Variants in ERC2 observed in about 807,000 individuals in gnomAD.
ERC2 encodes the protein ELKS/RAB6-interacting/CAST family member 2.
In ERC2, 42 loss-of-function variants were observed where a neutral mutation model predicts 114.8. The observed-to-expected ratio is 0.37, with a 90% confidence interval of 0.29 to 0.47. ERC2 has a LOEUF of 0.47. Among genes scored for constraint, ERC2 ranks in the 20% least tolerant of loss-of-function variants. The pLI is 0.99. For missense variants in ERC2, 939 were observed against 1,150.7 expected (o/e 0.82, Z 2.66); for synonymous variants, 454 against 425.5 (o/e 1.07, Z -0.82).
chr3:56,051,722 A>G (rs1211492985), intron 7 of ERC2, among the ~76,000 whole-genome samples: 1 of 151,916 alleles, frequency 6.6e-6, no homozygotes, highest in East Asian at 1.9e-4. Flanking sequence ...GCTACTCAAG[A>G]GACTGAGGCA....
At chr3:56,306,868 A>G (rs914930985) in intron 2 of ERC2, among the ~76,000 whole-genome samples, 1 of 152,214 alleles carries the variant, frequency 6.6e-6, no homozygotes, top group African/African-American at 2.4e-5. Flanking sequence ...CAGATTCCTC[A>G]TCTGTAAAAC....
chr3:55,762,043 TA>T (rs1296929442), intron 14 of ERC2, among the ~76,000 whole-genome samples: 1 of 149,704 alleles, frequency 6.7e-6, no homozygotes, highest in East Asian at 2.0e-4. Flanking sequence ...GCCATAATTT[TA>T]AGTTTCCTGA....
chr3:55,721,092 C>T (rs1474606064), intron 15 of ERC2, among the ~76,000 whole-genome samples: 16 of 152,184 alleles, frequency 1.1e-4, no homozygotes, highest in Admixed American at 8.5e-4. Context: ...CTAGAATCCC[C>T]CAATATTTCC....
chr3:56,398,381 AG>A (rs547750239), intron 2 of ERC2, among the ~76,000 whole-genome samples: 6 of 152,224 alleles, frequency 3.9e-5, no homozygotes. Context: ...CCAGAAAAGT[AG>A]GGTTGCCAGA....
Position 56,434,979 on chromosome 3 carries a change from T to C in ERC2, c.29A>G (p.Asn10Ser), listed in dbSNP as rs201465789. 4,053 of 1,611,750 alleles carry C rather than the reference T, an allele frequency of 2.5e-3. 12 individuals carry two copies. Among genetic ancestry groups the C allele is most frequent in the Non-Finnish European group, 3.2e-3 (3,745 of 1,179,670 alleles). Reference protein sequence around the residue: MYGSARTITNLEGSPSRSPR... With the variant: MYGSARTITSLEGSPSRSPR... ...GGATCTGGAAGGGCTACCTTCCAGATTGGTGATTGTTCTTGCACTTCCATA... is the reference window on the plus strand; with the variant it reads ...GGATCTGGAAGGGCTACCTTCCAGACTGGTGATTGTTCTTGCACTTCCATA... The change falls in exon 2 of 18, where the codon AAT becomes AGT. Residue 10 changes from asparagine (N) to serine (S), a missense_variant. Asn to Ser is a conservative substitution (Grantham distance 46). Transcript: ENST00000288221.
At chr3:55,691,512 A>G (rs1257117038) in intron 16 of ERC2, among the ~76,000 whole-genome samples, 1 of 140,526 alleles carries the variant, frequency 7.1e-6, no homozygotes, top group African/African-American at 2.7e-5. Context: ...GGCTCCTTCC[A>G]AGAAGTGGGC....
At chr3:55,844,648 G>A (rs1351200931) in intron 14 of ERC2, among the ~76,000 whole-genome samples, 1 of 152,124 alleles carries the variant, frequency 6.6e-6, no homozygotes, top group Non-Finnish European at 1.5e-5. Context: ...GTACAAAGGT[G>A]AAGTCATATG....
intron 6 of ERC2, among the ~76,000 whole-genome samples, chr3:56,117,371 T>G (rs9830503): frequency 0.18 from 27,331 of 152,218 alleles, 3,063 homozygotes; most frequent in African/African-American, 0.31. Context: ...ATATGAATTT[T>G]ACATAATCCT....
intron 2 of ERC2, among the ~76,000 whole-genome samples, chr3:56,325,982 G>A (rs2057344020): frequency 6.6e-6 from 1 of 152,192 alleles, no homozygotes; most frequent in Non-Finnish European, 1.5e-5. Flanking sequence ...CTGGTTGCAT[G>A]CTCTTCTTGC....
At chr3:56,341,599 A>T (rs979933508) in intron 2 of ERC2, among the ~76,000 whole-genome samples, 15 of 152,044 alleles carry the variant, frequency 9.9e-5, no homozygotes, top group African/African-American at 3.6e-4. Flanking sequence ...AAAAAAAAAA[A>T]ACTAAAAGAA....
At chr3:55,921,040 C>T (rs1360296124) in intron 13 of ERC2, among the ~76,000 whole-genome samples, 2 of 152,098 alleles carry the variant, frequency 1.3e-5, no homozygotes, top group African/African-American at 2.4e-5. Context: ...CCTCTGAGCA[C>T]ACCCTAAAAC....
At chr3:55,893,494 T>A (rs889724788) in intron 13 of ERC2, among the ~76,000 whole-genome samples, 4 of 152,166 alleles carry the variant, frequency 2.6e-5, no homozygotes, top group Admixed American at 6.5e-5. Flanking sequence ...GATGTCCTAA[T>A]ATTACTTTAA....
intron 3 of ERC2, among the ~76,000 whole-genome samples, chr3:56,295,738 C>T (rs2055386066): frequency 6.6e-6 from 1 of 152,152 alleles, no homozygotes; most frequent in African/African-American, 2.4e-5. Flanking sequence ...CCACAGCCAC[C>T]TGTGGGAAAG....
intron 3 of ERC2, among the ~76,000 whole-genome samples, chr3:56,198,972 G>A (rs2048262104): frequency 1.3e-5 from 2 of 152,180 alleles, no homozygotes; most frequent in Non-Finnish European, 2.9e-5. Context: ...CTAATGCCTA[G>A]GTGACCCTGG....
At chr3:56,206,105 A>C (rs536266989) in intron 3 of ERC2, among the ~76,000 whole-genome samples, 1 of 152,170 alleles carries the variant, frequency 6.6e-6, no homozygotes, top group Admixed American at 6.6e-5. Flanking sequence ...TCCTTATAAA[A>C]CTAACTTCTG....
chr3:55,944,098 T>G (rs957746796), intron 13 of ERC2, among the ~76,000 whole-genome samples: 1 of 152,192 alleles, frequency 6.6e-6, no homozygotes, highest in Non-Finnish European at 1.5e-5. Context: ...AAGAGATGAC[T>G]ATACCATTCA....
chr3:56,046,647 G>C (rs962825713), intron 7 of ERC2, among the ~76,000 whole-genome samples: 13 of 152,174 alleles, frequency 8.5e-5, no homozygotes, highest in African/African-American at 3.1e-4. Flanking sequence ...TGGACAGAGT[G>C]TCAGCATAAA....
At chr3:56,384,940 T>G (rs2059882038) in intron 2 of ERC2, among the ~76,000 whole-genome samples, 1 of 152,122 alleles carries the variant, frequency 6.6e-6, no homozygotes, top group African/African-American at 2.4e-5. Context: ...GAAATGATGG[T>G]CCTTTCCCTA....
chr3:55,939,416 G>C (rs1387411694), intron 13 of ERC2, among the ~76,000 whole-genome samples: 1 of 152,222 alleles, frequency 6.6e-6, no homozygotes, highest in African/African-American at 2.4e-5. Flanking sequence ...CCTTTGTCAA[G>C]TGATTTAGAG....
Sources: gnomAD v4.1 joint callset for allele counts (sites outside exome capture counted in the v4.1 genomes callset) on GRCh38, gnomAD v4.1.1 for gene constraint, MANE v1.5 for transcripts, NCBI Gene and HGNC (gene_info 2026-07-23, HGNC 2026-07-21) for gene names.